The following UQCRC2 variants were observed in gnomAD, a reference collection of about 807,000 sequenced individuals.
UQCRC2 encodes the protein cytochrome b-c1 complex subunit 2, mitochondrial.
Under a neutral mutation model 55.6 loss-of-function variants are expected in UQCRC2, and 49 were observed. The ratio of observed to expected loss-of-function variants is 0.88; its 90% CI spans 0.70 to 1.12. UQCRC2 has a LOEUF of 1.12. UQCRC2 is among the 50% of genes most tolerant of loss of function. UQCRC2 has a pLI of 0.00. For missense variants in UQCRC2, 506 were observed against 547.8 expected, an observed-to-expected ratio of 0.92 and a Z score of 0.76; for synonymous variants, 193 against 192.0, an observed-to-expected ratio of 1.01 and a Z score of -0.04.
intron 7 of UQCRC2, among the ~76,000 whole-genome samples, chr16:21,967,099 G>A (rs1567473600): frequency 6.6e-6 from 1 of 152,060 alleles, no homozygotes; most frequent in African/African-American, 2.4e-5. Flanking sequence ...AAAGTTAATA[G>A]TATTTTTTAA....
At chr16:21,971,692 G>C in intron 9 of UQCRC2, 72 bp downstream of exon 9, 1 of 1,449,276 alleles carries the variant, frequency 6.9e-7, no homozygotes, top group Non-Finnish European at 9.6e-7. Flanking sequence ...TATTGAGGTG[G>C]AATAGGCCTG....
chr16:21,968,157 A>G (rs548599996), intron 7 of UQCRC2, among the ~76,000 whole-genome samples: 2 of 151,988 alleles, frequency 1.3e-5, no homozygotes, highest in Middle Eastern at 3.4e-3. Flanking sequence ...GTGCACCACC[A>G]TGCCTGGCTA....
chr16:21,982,540 G>A (rs1363826529), intron 13 of UQCRC2, among the ~76,000 whole-genome samples: 1 of 152,142 alleles, frequency 6.6e-6, no homozygotes, highest in African/African-American at 2.4e-5. Flanking sequence ...GCTCTTGCTT[G>A]GTTCATTACA....
chr16:21,968,647 A>G lies in UQCRC2; in HGVS notation c.632A>G (p.Asn211Ser). ...TSEELHYFVQNHFTSARMALI... is the reference protein window; with the variant it reads ...TSEELHYFVQSHFTSARMALI... The stretch of plus-strand genomic sequence containing the variant: ...CCTCAGTTACATTACTTCGTTCAGA[A>G]CCATTTCACAAGTGCAAGAATGGCT... The change falls in exon 8 of 14, where the codon AAC (asparagine) becomes AGC (serine). Residue 211 changes from asparagine (N) to serine (S), a missense_variant. By Grantham distance (46) the Asn-to-Ser change is conservative (BLOSUM62 1). Coordinates refer to ENST00000268379, the MANE Select transcript of UQCRC2 (RefSeq NM_003366.4). 6.2e-7 allele frequency: 1 copy of G among 1,609,228 alleles called. No homozygotes were observed. Among genetic ancestry groups the G allele is most frequent in the South Asian group, 1.1e-5 (1 of 90,228 alleles).
Position 21,980,579 on chromosome 16 carries a change from T to G in UQCRC2, c.1157T>G (p.Val386Gly). 2 of 1,614,138 alleles carry G rather than the reference T, an allele frequency of 1.2e-6. No individual in the cohort carries two copies. Among genetic ancestry groups the G allele is most frequent in the Non-Finnish European group, 1.7e-6 (2 of 1,180,012 alleles). ...NKLKAGYLMS[V>G]ESSECFLEEV... The stretch of plus-strand genomic sequence containing the variant: ...CTGAAAGCTGGATACCTAATGTCAG[T>G]GGAGTCTTCTGAGTGTTTCCTGGAA... The change falls in exon 13 of 14, where the codon GTG becomes GGG. Residue 386 changes from valine (V) to glycine (G), a missense_variant. By Grantham distance (109) the Val-to-Gly change is moderately radical. Transcript: ENST00000268379.
intron 6 of UQCRC2, among the ~76,000 whole-genome samples, chr16:21,965,181 T>C (rs1340161780): frequency 1.3e-5 from 2 of 152,216 alleles, no homozygotes; most frequent in Non-Finnish European, 2.9e-5. Flanking sequence ...TGGACTCCAG[T>C]ATATAGAAGC....
At chr16:21,959,839 T>G (rs1004619411) in intron 4 of UQCRC2, 1 of 152,240 alleles carries the variant, frequency 6.6e-6, no homozygotes, top group Non-Finnish European at 1.5e-5. Flanking sequence ...AATCTCCTTG[T>G]ACATCTGCAT....
At chr16:21,975,588 A>T (rs896636314) in intron 11 of UQCRC2, among the ~76,000 whole-genome samples, 4 of 152,146 alleles carry the variant, frequency 2.6e-5, no homozygotes, top group African/African-American at 9.7e-5. Flanking sequence ...CCGGAACTTT[A>T]TTCTTTCTTT....
chr16:21,964,282 G>A lies in UQCRC2; in HGVS notation c.515-1126G>A, dbSNP rs550097431. On this transcript the variant is annotated intron_variant, in intron 6 of 13. Coordinates refer to ENST00000268379, the MANE Select transcript of UQCRC2 (RefSeq NM_003366.4). ...AGTGGCTTCTTCCCCACTGGCGGCA[G>A]TGAGGCACCAGCCTGCATCTATTCT... is the stretch of plus-strand genomic sequence containing the variant. Among the ~76,000 whole-genome samples the A allele has an allele frequency of 3.2e-3, 483 of 152,292 alleles. 2 individuals carry two copies. The highest frequency in any genetic ancestry group is 0.01 in the African/African-American group (429 of 41,554).
At chr16:21,973,755 C>T (rs1173237081) in intron 10 of UQCRC2, 141 bp from the exon 11 acceptor site, 7 of 692,172 alleles carry the variant, frequency 1.0e-5, no homozygotes, top group East Asian at 5.6e-5. Context: ...TACTTCAGTT[C>T]GTGACAGAAC....
At chr16:21,974,821 A>G (rs562998976) in intron 11 of UQCRC2, among the ~76,000 whole-genome samples, 1 of 152,340 alleles carries the variant, frequency 6.6e-6, no homozygotes, top group East Asian at 1.9e-4. Context: ...ACACAAGTGG[A>G]CCTTTTAGCC....
chr16:21,962,746 C>T lies in UQCRC2; in HGVS notation c.390-15C>T, dbSNP rs750054699. The T allele has an allele frequency of 8.1e-6, 13 of 1,613,938 alleles. No homozygotes were observed. The East Asian group carries it at 1.3e-4, about 17-fold the overall frequency. ...CATTTTTGACTCATAATTCTTATCT[C>T]GATGTCTTCTGTAGTGATATTCTAA... On this transcript the variant is annotated splice_polypyrimidine_tract_variant and intron_variant, in intron 5 of 13. Coordinates refer to ENST00000268379, the MANE Select transcript of UQCRC2 (RefSeq NM_003366.4).
chr16:21,954,138 G>A (rs1330937725), intron 1 of UQCRC2, among the ~76,000 whole-genome samples: 1 of 152,136 alleles, frequency 6.6e-6, no homozygotes, highest in Non-Finnish European at 1.5e-5. Context: ...GAGGGGTAAG[G>A]GGGAACACTT....
At chr16:21,976,133 A>G (rs1898578950) in intron 11 of UQCRC2, 34 bp from the exon 12 acceptor site, 2 of 1,527,172 alleles carry the variant, frequency 1.3e-6, no homozygotes, top group Middle Eastern at 3.4e-4. Flanking sequence ...TCTGGTACTG[A>G]CCACAGATGA....
intron 8 of UQCRC2, among the ~76,000 whole-genome samples, chr16:21,970,415 A>G (rs1898431708): frequency 6.6e-6 from 1 of 152,186 alleles, no homozygotes; most frequent in Non-Finnish European, 1.5e-5. Context: ...CCAGCAATGC[A>G]CAAAGGTTTT....
rs141408124 is a variant in UQCRC2 at position 21,980,490 on chromosome 16, G to GA, written c.1125-47dup. 0.086 allele frequency: 119,963 copies of GA among 1,399,498 alleles called. 2,485 individuals are homozygous for GA. Among genetic ancestry groups the GA allele is most frequent in the South Asian group, 0.11 (8,307 of 74,862 alleles). The allele number at this position is 1,399,498 out of a possible 1,614,324, so 86.7% of individuals were successfully genotyped here. A position where few individuals can be genotyped will look rare whatever the true frequency, so the allele number is the denominator to read the frequency against. On this transcript the variant is annotated intron_variant, in intron 12 of 13. Transcript: ENST00000268379. Reference sequence around the variant, plus strand: ...GTTCACAGCCCCCCGCCACCACTCAGAAAAAAAAAATAATTGCCTTGCTCT... The same window carrying GA: ...GTTCACAGCCCCCCGCCACCACTCAGAAAAAAAAAAATAATTGCCTTGCTCT...
chr16:21,962,463 G>A lies in UQCRC2; in HGVS notation c.336G>A (p.Val112=). The part of the protein sequence containing the change: ...GIEAVGGKLS[V]TATRENMAYT... ...TCTAGTTTATTTTCCGATTCAGTGT[G>A]ACCGCAACAAGGGAAAACATGGCTT... The change falls in exon 5 of 14, where the codon GTG becomes GTA. Residue 112 remains valine, a synonymous_variant. Coordinates refer to ENST00000268379, the MANE Select transcript of UQCRC2 (RefSeq NM_003366.4). 5 of 1,614,122 alleles carry A rather than the reference G, an allele frequency of 3.1e-6. No individual in the cohort carries two copies. The highest frequency in any genetic ancestry group is 4.2e-6 in the Non-Finnish European group (5 of 1,179,998).
intron 4 of UQCRC2, 34 bp downstream of exon 4, chr16:21,958,633 T>C (rs1161011426): frequency 1.7e-5 from 26 of 1,571,448 alleles, no homozygotes; most frequent in Non-Finnish European, 2.2e-5. Flanking sequence ...ATAGTGAAAA[T>C]GCCAGAAAAT....
At position 21,971,904 on chromosome 16, in the gene UQCRC2, A is replaced by C. The variant is rs537623202; in HGVS notation, c.767-19A>C. The C allele has an allele frequency of 4.3e-6, 7 of 1,613,074 alleles. No homozygotes were observed. Among genetic ancestry groups the C allele is most frequent in the African/African-American group, 2.7e-5 (2 of 75,062 alleles). On this transcript the variant is annotated intron_variant, in intron 9 of 13. Coordinates refer to ENST00000268379, the MANE Select transcript of UQCRC2 (RefSeq NM_003366.4). ...AACAAGCCATTTTCTTCTTCCCTCT[A>C]TCCTTAATCTGGCCCCAGGTGAAAT...
Sources: allele counts gnomAD v4.1 joint callset (sites outside exome capture counted in the v4.1 genomes callset), GRCh38; gene constraint gnomAD v4.1.1; transcripts MANE v1.5; gene names NCBI Gene and HGNC (gene_info 2026-07-23, HGNC 2026-07-21).